GRIN2A: variants seen among roughly 807,000 people sequenced by gnomAD.
GRIN2A encodes glutamate receptor ionotropic, NMDA 2A.
A neutral mutation model predicts 113.4 loss-of-function variants in GRIN2A; 22 were observed. That is an observed-to-expected ratio of 0.19 (90% confidence interval 0.14 to 0.28). GRIN2A has a LOEUF of 0.28. Ranked by LOEUF, GRIN2A falls within the 10% of genes least tolerant of loss-of-function variation. The pLI, the probability that GRIN2A is intolerant of heterozygous loss-of-function variation, is 1.00. For synonymous variants in GRIN2A, 827 were observed against 738.4 expected (o/e 1.12, Z -1.94); for missense variants, 1,502 against 1,887.0 (o/e 0.80, Z 3.78).
At chr16:9,807,443 C>CAG (rs1282951303) in intron 10 of GRIN2A, among the ~76,000 whole-genome samples, 5 of 119,204 alleles carry the variant, frequency 4.2e-5, no homozygotes, top group Non-Finnish European at 9.1e-5. Flanking sequence ...GAGACAGAGA[C>CAG]AGAGAGAGAG....
chr16:10,001,240 AGAG>A (rs540682516), intron 2 of GRIN2A, among the ~76,000 whole-genome samples: 2 of 152,218 alleles, frequency 1.3e-5, no homozygotes, highest in Non-Finnish European at 2.9e-5. Flanking sequence ...AACCAAGAAC[AGAG>A]GAGAAGAAAT....
intron 2 of GRIN2A, among the ~76,000 whole-genome samples, chr16:10,150,418 C>T (rs1166633215): frequency 1.3e-5 from 2 of 152,132 alleles, no homozygotes; most frequent in South Asian, 2.1e-4. Flanking sequence ...CCTTCTTGAC[C>T]TGGTATCTCC....
At chr16:10,129,020 G>C (rs1206920029) in intron 2 of GRIN2A, among the ~76,000 whole-genome samples, 3 of 152,138 alleles carry the variant, frequency 2.0e-5, no homozygotes, top group Admixed American at 6.5e-5. Flanking sequence ...TCATTTAACA[G>C]ATATTTATTA....
intron 2 of GRIN2A, among the ~76,000 whole-genome samples, chr16:10,049,906 T>C (rs1233949788): frequency 6.6e-6 from 1 of 152,218 alleles, no homozygotes; most frequent in Non-Finnish European, 1.5e-5. Context: ...ATGAATCTCC[T>C]GGAATCTTTC....
intron 2 of GRIN2A, among the ~76,000 whole-genome samples, chr16:9,975,946 A>C (rs371810644): frequency 2.0e-5 from 3 of 152,234 alleles, no homozygotes; most frequent in South Asian, 4.1e-4. Flanking sequence ...GGGTCAATTC[A>C]TCAGAAAGAT....
intron 2 of GRIN2A, among the ~76,000 whole-genome samples, chr16:10,151,139 G>A (rs957012366): frequency 2.6e-5 from 4 of 152,140 alleles, no homozygotes; most frequent in African/African-American, 7.2e-5. Context: ...CTTCCTGTCC[G>A]CCATCTTGAT....
intron 11 of GRIN2A, among the ~76,000 whole-genome samples, chr16:9,780,902 G>C (rs577159905): frequency 1.3e-3 from 204 of 152,010 alleles, no homozygotes; most frequent in African/African-American, 4.7e-3. Context: ...AGGATAAGGG[G>C]AAACCAGTCA....
chr16:10,108,920 G>A (rs1487938965), intron 2 of GRIN2A, among the ~76,000 whole-genome samples: 2 of 151,462 alleles, frequency 1.3e-5, no homozygotes, highest in Admixed American at 1.3e-4. Flanking sequence ...TAGGTAGAAT[G>A]GTCAGGAAAC....
intron 2 of GRIN2A, among the ~76,000 whole-genome samples, chr16:10,174,146 A>T (rs1419684113): frequency 6.6e-6 from 1 of 150,738 alleles, no homozygotes; most frequent in East Asian, 1.9e-4. Flanking sequence ...CATCCAGGGA[A>T]AAAGGGGAAG....
chr16:10,086,563 G>A (rs1026217075), intron 2 of GRIN2A, among the ~76,000 whole-genome samples: 1 of 141,208 alleles, frequency 7.1e-6, no homozygotes, highest in Non-Finnish European at 1.5e-5. Context: ...TTACAGAGGA[G>A]CCCCAGGAGA....
At chr16:10,064,457 GA>G (rs1157903543) in intron 2 of GRIN2A, among the ~76,000 whole-genome samples, 2 of 152,072 alleles carry the variant, frequency 1.3e-5, no homozygotes, top group African/African-American at 4.8e-5. Flanking sequence ...TTATCAACGG[GA>G]AAAAGATGGA....
At chr16:9,933,976 G>A (rs1035912298) in intron 3 of GRIN2A, among the ~76,000 whole-genome samples, 2 of 152,218 alleles carry the variant, frequency 1.3e-5, no homozygotes, top group Non-Finnish European at 2.9e-5. Context: ...ACGAACACAT[G>A]TACATGGATT....
chr16:9,755,917 A>G lies in GRIN2A; in HGVS notation c.*7232T>C, dbSNP rs1900334049. The G allele has an allele frequency of 4.7e-6, 1 of 214,002 alleles. No individual in the cohort carries two copies. The highest frequency in any genetic ancestry group is 2.3e-5 in the African/African-American group (1 of 44,258). The allele number at this position is 214,002 out of a possible 1,614,324, so 13.3% of individuals were successfully genotyped here. A position where few individuals can be genotyped will look rare whatever the true frequency, so the allele number is the denominator to read the frequency against. On this transcript the variant is annotated 3_prime_UTR_variant, in exon 13 of 13. Transcript: ENST00000330684. ...AACAACATTTTAATAGCTGGTCCTC[A>G]ATCATTCTGACTACCAAAGCTCTCC...
intron 2 of GRIN2A, among the ~76,000 whole-genome samples, chr16:10,090,806 C>G (rs953849774): frequency 3.9e-5 from 6 of 151,948 alleles, no homozygotes; most frequent in Non-Finnish European, 7.4e-5. Flanking sequence ...AGAACTGTAT[C>G]AAAAATATAT....
chr16:10,095,235 C>T (rs555773989), intron 2 of GRIN2A, among the ~76,000 whole-genome samples: 1 of 152,160 alleles, frequency 6.6e-6, no homozygotes, highest in South Asian at 2.1e-4. Flanking sequence ...GCTTTTAGAA[C>T]CATGAAAAAA....
At chr16:9,886,262 GA>G (rs1027208312) in intron 4 of GRIN2A, among the ~76,000 whole-genome samples, 1 of 151,716 alleles carries the variant, frequency 6.6e-6, no homozygotes, top group Admixed American at 6.6e-5. Context: ...TGGATGATTA[GA>G]AAAAAAACAT....
In GRIN2A at chr16:10,030,187, T is replaced by TA. The variant is rs879494669; in HGVS notation, c.415-91637_415-91636insT. The stretch of plus-strand genomic sequence containing the variant: ...CATCTTCACGTTCTTGGGTGATTTT[T>TA]TAAAAAAAAATCATTAAATGTTATA... On this transcript the variant is annotated intron_variant, in intron 2 of 12. Coordinates refer to ENST00000330684, the MANE Select transcript of GRIN2A (RefSeq NM_001134407.3). Among the ~76,000 whole-genome samples the TA allele has an allele frequency of 8.3e-3, 512 of 61,850 alleles. 9 individuals are homozygous for TA. The highest frequency in any genetic ancestry group is 0.043 in the East Asian group (169 of 3,962). The allele number at this position is 61,850 out of a possible 152,430, so 40.6% of individuals were successfully genotyped here.
At chr16:9,903,876 C>G (rs1173491655) in intron 3 of GRIN2A, among the ~76,000 whole-genome samples, 1 of 152,166 alleles carries the variant, frequency 6.6e-6, no homozygotes, top group Non-Finnish European at 1.5e-5. Context: ...TTTGATGAAG[C>G]TGATATGAAG....
chr16:10,118,547 C>G (rs2048772624), intron 2 of GRIN2A, among the ~76,000 whole-genome samples: 1 of 152,274 alleles, frequency 6.6e-6, no homozygotes, highest in African/African-American at 2.4e-5. Flanking sequence ...ATTTTACATG[C>G]CCAATCCTCT....
Sources: allele counts gnomAD v4.1 joint callset (sites outside exome capture counted in the v4.1 genomes callset), GRCh38; gene constraint gnomAD v4.1.1; transcripts MANE v1.5; gene names NCBI Gene and HGNC (gene_info 2026-07-23, HGNC 2026-07-21).